Variants in CORIN observed in about 807,000 individuals in gnomAD.
The protein encoded by CORIN is corin, serine peptidase, also known as atrial natriuretic peptide-converting enzyme.
Under a neutral mutation model 125.3 loss-of-function variants are expected in CORIN, and 117 were observed. That is an observed-to-expected ratio of 0.93 (90% CI 0.80 to 1.09). CORIN has a LOEUF of 1.09. Ranked by LOEUF, CORIN falls within the 50% of genes least tolerant of loss-of-function variation. The probability of loss-of-function intolerance (pLI) is 0.00; values close to 1 mark genes in which losing one functional copy is unlikely to be tolerated. For missense variants in CORIN, 1,253 were observed against 1,306.7 expected, an observed-to-expected ratio of 0.96 and a Z score of 0.63; for synonymous variants, 450 against 466.4, an observed-to-expected ratio of 0.96 and a Z score of 0.45.
intron 12 of CORIN, among the ~76,000 whole-genome samples, chr4:47,658,002 C>T (rs1160050293): frequency 1.3e-5 from 2 of 152,160 alleles, no homozygotes; most frequent in Non-Finnish European, 2.9e-5. Flanking sequence ...CCAAAGTCTT[C>T]ACTAATTCCA....
intron 1 of CORIN, among the ~76,000 whole-genome samples, chr4:47,829,553 A>G (rs1330527227): frequency 6.6e-6 from 1 of 152,212 alleles, no homozygotes; most frequent in Non-Finnish European, 1.5e-5. Context: ...TTCATGGCCA[A>G]TCAGTCAGAA....
At chr4:47,833,909 T>C (rs1327324076) in intron 1 of CORIN, among the ~76,000 whole-genome samples, 2 of 152,184 alleles carry the variant, frequency 1.3e-5, no homozygotes, top group Admixed American at 6.5e-5. Context: ...ATAACAAGTG[T>C]TGGATGCCAA....
At chr4:47,640,877 C>T (rs1202772770) in intron 16 of CORIN, among the ~76,000 whole-genome samples, 1 of 152,142 alleles carries the variant, frequency 6.6e-6, no homozygotes, top group African/African-American at 2.4e-5. Flanking sequence ...TCATTTATCT[C>T]TGAACACAAT....
chr4:47,809,311 C>A (rs186858326), intron 1 of CORIN, among the ~76,000 whole-genome samples: 93 of 149,370 alleles, frequency 6.2e-4, no homozygotes, highest in African/African-American at 2.3e-3. Flanking sequence ...AATATGTCAT[C>A]TAAGTAGATA....
At chr4:47,805,353 T>C (rs1177469509) in intron 2 of CORIN, among the ~76,000 whole-genome samples, 1 of 152,002 alleles carries the variant, frequency 6.6e-6, no homozygotes, top group Non-Finnish European at 1.5e-5. Flanking sequence ...ACAAACATTT[T>C]TTTTAAAAAA....
chr4:47,807,031 T>C lies in CORIN; in HGVS notation c.80A>G (p.Asp27Gly), dbSNP rs780964934. ...AGAGCAGCCATTGCCCATGTTATTG[T>C]CATCAGCTCTCAAGACCTAAAGTAA... ...GSPKPVLRAD[D>G]NNMGNGCSQK... The change falls in exon 2 of 22, where the codon GAC becomes GGC. Residue 27 changes from aspartate to glycine, a missense_variant. Coordinates refer to ENST00000273857, the MANE Select transcript of CORIN (RefSeq NM_006587.4). 1 of 1,612,016 alleles carries C rather than the reference T, an allele frequency of 6.2e-7. No individual in the cohort carries two copies. The highest frequency in any genetic ancestry group is 8.5e-7 in the Non-Finnish European group (1 of 1,179,442).
At chr4:47,663,583 T>C (rs1012340776) in intron 11 of CORIN, among the ~76,000 whole-genome samples, 4 of 152,178 alleles carry the variant, frequency 2.6e-5, no homozygotes, top group Non-Finnish European at 5.9e-5. Flanking sequence ...CATTTTAATA[T>C]GGAACTTAAG....
chr4:47,804,737 G>GAGGAA (rs199563735), intron 2 of CORIN, among the ~76,000 whole-genome samples: 2 of 98,478 alleles, frequency 2.0e-5, no homozygotes, highest in African/African-American at 7.8e-5. Flanking sequence ...GGGGTGGGGA[G>GAGGAA]GGGGGGGGTT....
At chr4:47,700,791 C>G (rs1386485720) in intron 5 of CORIN, among the ~76,000 whole-genome samples, 1 of 152,174 alleles carries the variant, frequency 6.6e-6, no homozygotes, top group East Asian at 1.9e-4. Context: ...AATGGGAAGG[C>G]CATCCTACAT....
intron 12 of CORIN, among the ~76,000 whole-genome samples, chr4:47,656,031 C>CA (rs1329779341): frequency 3.3e-5 from 5 of 150,652 alleles, no homozygotes; most frequent in Admixed American, 6.6e-5. Context: ...AAAGACACAT[C>CA]AAAAAAAAGA....
intron 21 of CORIN, among the ~76,000 whole-genome samples, chr4:47,596,512 A>G (rs1721255278): frequency 6.6e-6 from 1 of 152,144 alleles, no homozygotes; most frequent in Non-Finnish European, 1.5e-5. Context: ...TTTATTTCAT[A>G]TATATAGGGA....
chr4:47,744,158 C>T (rs888525385), intron 5 of CORIN, among the ~76,000 whole-genome samples: 3 of 152,068 alleles, frequency 2.0e-5, no homozygotes, highest in African/African-American at 7.2e-5. Context: ...GTAAGCAAAA[C>T]TAAGGTGATA....
In CORIN at chr4:47,653,635, G is replaced by C; in HGVS notation, c.1761C>G (p.Cys587Trp). 2.5e-6 allele frequency: 4 copies of C among 1,613,968 alleles called. No homozygotes were observed. Among genetic ancestry groups the C allele is most frequent in the Non-Finnish European group, 3.4e-6 (4 of 1,179,894 alleles). ...AAGCCAGAACACACTGTCCTGAGCG[G>C]CACTTGAAATGACTAGGTGAGCATT... is the stretch of plus-strand genomic sequence containing the variant. ...VEECSPSHFK[C>W]RSGQCVLASR... The change falls in exon 13 of 22, where the codon TGC (cysteine) becomes TGG (tryptophan). Residue 587 changes from cysteine to tryptophan, a missense_variant. Transcript: ENST00000273857.
At chr4:47,693,687 A>T (rs1725867545) in intron 5 of CORIN, among the ~76,000 whole-genome samples, 1 of 152,236 alleles carries the variant, frequency 6.6e-6, no homozygotes, top group Non-Finnish European at 1.5e-5. Flanking sequence ...ATTCACTAAT[A>T]AAATTTTCAT....
chr4:47,777,107 T>C (rs1310345039), intron 3 of CORIN, among the ~76,000 whole-genome samples: 1 of 152,238 alleles, frequency 6.6e-6, no homozygotes, highest in African/African-American at 2.4e-5. Flanking sequence ...GACAACTGGC[T>C]GCTTGGGGAC....
At chr4:47,651,866 G>T (rs1340839983) in intron 13 of CORIN, among the ~76,000 whole-genome samples, 1 of 151,846 alleles carries the variant, frequency 6.6e-6, no homozygotes, top group East Asian at 1.9e-4. Flanking sequence ...TGCAGAATAT[G>T]TTCTAGAACT....
At chr4:47,674,695 A>G (rs1257466052) in intron 9 of CORIN, among the ~76,000 whole-genome samples, 195 bp from the exon 10 acceptor site, 3 of 152,256 alleles carry the variant, frequency 2.0e-5, no homozygotes, top group African/African-American at 7.2e-5. Context: ...AATACAATCC[A>G]GGTATTCCAA....
At chr4:47,676,037 CTT>C (rs1725003409) in intron 9 of CORIN, among the ~76,000 whole-genome samples, 1 of 152,118 alleles carries the variant, frequency 6.6e-6, no homozygotes, top group African/African-American at 2.4e-5. Context: ...GTAACTGGAG[CTT>C]CAACCACTGA....
chr4:47,647,566 T>G (rs776986196), intron 13 of CORIN, among the ~76,000 whole-genome samples: 2 of 152,146 alleles, frequency 1.3e-5, no homozygotes, highest in African/African-American at 4.8e-5. Flanking sequence ...CCACTATGTA[T>G]CCACATTCTA....
Sources: allele counts gnomAD v4.1 joint callset (sites outside exome capture counted in the v4.1 genomes callset), GRCh38; gene constraint gnomAD v4.1.1; transcripts MANE v1.5; gene names NCBI Gene and HGNC (gene_info 2026-07-23, HGNC 2026-07-21).